Variants in PCLO observed in about 807,000 individuals in gnomAD.
The protein encoded by PCLO is protein piccolo.
A neutral mutation model predicts 427.5 loss-of-function variants in PCLO; 82 were observed. The ratio of observed to expected loss-of-function variants is 0.19; its 90% CI spans 0.16 to 0.23. PCLO has a LOEUF of 0.23. PCLO is among the 10% of genes least tolerant of loss of function. The pLI is 1.00. For synonymous variants in PCLO, 2,357 were observed against 2,155.4 expected (o/e 1.09, Z -2.59); for missense variants, 6,239 against 6,115.9 (o/e 1.02, Z -0.67).
intron 3 of PCLO, among the ~76,000 whole-genome samples, chr7:83,037,989 T>TATATATATA (rs1788837813): frequency 7.4e-5 from 1 of 13,586 alleles, no homozygotes; most frequent in Non-Finnish European, 1.2e-4. Flanking sequence ...AAGGAGGAGC[T>TATATATATA]TATATATATA....
chr7:82,859,179 C>T (rs1792888772), intron 10 of PCLO, among the ~76,000 whole-genome samples: 1 of 82,024 alleles, frequency 1.2e-5, no homozygotes, highest in Non-Finnish European at 2.5e-5. Context: ...TGGTGGACCT[C>T]ACCACCCTGA....
intron 9 of PCLO, among the ~76,000 whole-genome samples, chr7:82,893,099 T>G (rs2116133614): frequency 6.6e-6 from 1 of 152,210 alleles, no homozygotes; most frequent in South Asian, 2.1e-4. Context: ...CTATAAATCA[T>G]GCTGCTATAA....
Position 82,954,595 on chromosome 7 carries a change from T to C in PCLO, c.6358A>G (p.Thr2120Ala), listed in dbSNP as rs1795459989. 3.7e-6 allele frequency: 6 copies of C among 1,613,944 alleles called. No homozygotes were observed. The East Asian group carries it at 1.3e-4, about 36-fold the overall frequency. Residue 2120 changes from threonine to alanine, a missense_variant, in exon 5 of 25, where the codon ACC becomes GCC. This residue lies in a region of PCLO where 4,677 missense variants were observed against 4,468.4 expected (regional missense o/e 1.05). Transcript: ENST00000333891. Reference protein sequence around the residue: ...VLSGASLTDSTSSATLSIPDV... With the variant: ...VLSGASLTDSASSATLSIPDV... ...GGGATAGAGAGTGTTGCACTGCTGG[T>C]CGAATCTGTAAGAGACGCTCCTGAG...
intron 3 of PCLO, among the ~76,000 whole-genome samples, chr7:83,102,959 C>T (rs1299983828): frequency 6.7e-6 from 1 of 150,028 alleles, no homozygotes; most frequent in Non-Finnish European, 1.5e-5. Context: ...AAATCTGAGA[C>T]ATTTATTAAT....
At position 82,955,677 on chromosome 7, in the gene PCLO, C is replaced by T. The variant is rs959718398; in HGVS notation, c.5276G>A (p.Arg1759Gln). The T allele has an allele frequency of 9.9e-6, 16 of 1,613,784 alleles. No individual in the cohort carries two copies. The highest frequency in any genetic ancestry group is 1.6e-4 in the Middle Eastern group (1 of 6,084). ...CAAAAGAGGGCCATGTGGTCTGTGC[C>T]GAGCTTTGCGTTGCTGTTTGCTCTC... Reference protein sequence around the residue: ...KGESKQQRKARHRPHGPLLPT... With the variant: ...KGESKQQRKAQHRPHGPLLPT... Residue 1759 changes from arginine (R) to glutamine (Q), a missense_variant, in exon 5 of 25, where the codon CGG (arginine) becomes CAG (glutamine). Arg to Gln is a conservative substitution (Grantham distance 43, BLOSUM62 1). Around this residue, in one of 5 missense-constraint regions of PCLO, gnomAD observed 4,677 missense variants for 4,468.4 expected, o/e 1.05. Transcript: ENST00000333891.
At chr7:83,146,213 A>G (rs1289977632) in intron 2 of PCLO, among the ~76,000 whole-genome samples, 1 of 152,196 alleles carries the variant, frequency 6.6e-6, no homozygotes, top group Non-Finnish European at 1.5e-5. Flanking sequence ...CTTCCTTATC[A>G]AAGGTAACAA....
At chr7:82,969,020 A>G (rs561528860) in intron 3 of PCLO, among the ~76,000 whole-genome samples, 4 of 152,324 alleles carry the variant, frequency 2.6e-5, no homozygotes, top group Admixed American at 2.6e-4. Context: ...CATTTAAAGA[A>G]GTGAGACTAT....
At chr7:83,144,134 T>C (rs554813353) in intron 2 of PCLO, among the ~76,000 whole-genome samples, 7 of 152,254 alleles carry the variant, frequency 4.6e-5, no homozygotes, top group African/African-American at 1.7e-4. Context: ...TAAAAATAGA[T>C]GAAATCGCCA....
chr7:83,134,241 AT>A lies in PCLO; in HGVS notation c.3300+8del. On this transcript the variant is annotated splice_region_variant and intron_variant, in intron 3 of 24. Coordinates refer to ENST00000333891, the MANE Select transcript of PCLO (RefSeq NM_033026.6). The stretch of plus-strand genomic sequence containing the variant: ...GTAATATATATATATATATATATAT[AT>A]AACTTACCTCAGTCAAATGTGGTGT... 2.2e-5 allele frequency: 24 copies of A among 1,071,166 alleles called. No homozygotes were observed. Among genetic ancestry groups the A allele is most frequent in the Admixed American group, 8.7e-5 (3 of 34,386 alleles). 66.4% of individuals were successfully genotyped at this position (1,071,166 alleles called of 1,614,324 possible).
At chr7:82,930,086 A>T (rs945002374) in intron 6 of PCLO, among the ~76,000 whole-genome samples, 5 of 152,164 alleles carry the variant, frequency 3.3e-5, no homozygotes, top group Non-Finnish European at 5.9e-5. Flanking sequence ...AATGCAGAGG[A>T]AGGAGTGTGA....
intron 2 of PCLO, among the ~76,000 whole-genome samples, chr7:83,140,204 G>A (rs1353035835): frequency 1.3e-5 from 2 of 152,098 alleles, no homozygotes; most frequent in Non-Finnish European, 2.9e-5. Context: ...TCTGAAGTGG[G>A]TCTGGATTGC....
chr7:83,015,234 C>G (rs1788176344), intron 3 of PCLO, among the ~76,000 whole-genome samples: 1 of 151,960 alleles, frequency 6.6e-6, no homozygotes, highest in African/African-American at 2.4e-5. Context: ...ATTCCATGAG[C>G]CTGGTGGACA....
intron 10 of PCLO, among the ~76,000 whole-genome samples, chr7:82,850,288 C>A (rs980328721): frequency 6.6e-6 from 1 of 152,016 alleles, no homozygotes; most frequent in Non-Finnish European, 1.5e-5. Context: ...GGATTACAGG[C>A]GTGAGCCACC....
At chr7:83,106,348 A>G (rs1790855499) in intron 3 of PCLO, among the ~76,000 whole-genome samples, 2 of 152,172 alleles carry the variant, frequency 1.3e-5, no homozygotes, top group Admixed American at 1.3e-4. Flanking sequence ...AAAAAATGTC[A>G]GGATTCTGGA....
chr7:83,040,857 T>C (rs1355458836), intron 3 of PCLO, among the ~76,000 whole-genome samples: 2 of 152,130 alleles, frequency 1.3e-5, no homozygotes, highest in Non-Finnish European at 2.9e-5. Flanking sequence ...GCTACCTAAT[T>C]TAATGATTCC....
chr7:82,862,527 CA>C (rs1792984080), intron 10 of PCLO, among the ~76,000 whole-genome samples: 1 of 118,358 alleles, frequency 8.4e-6, no homozygotes, highest in African/African-American at 3.3e-5. Flanking sequence ...CTGTTTACAA[CA>C]GCTAAGAATT....
intron 6 of PCLO, among the ~76,000 whole-genome samples, chr7:82,944,069 C>T (rs1265457549): frequency 6.8e-6 from 1 of 148,136 alleles, no homozygotes; most frequent in East Asian, 2.0e-4. Context: ...ATCACTTGAA[C>T]CCAGGAGTTG....
chr7:83,018,336 A>C (rs1328283319), intron 3 of PCLO, among the ~76,000 whole-genome samples: 32 of 152,022 alleles, frequency 2.1e-4, no homozygotes, highest in Admixed American at 2.1e-3. Context: ...ATGAGGCATA[A>C]AATAAATATG....
chr7:82,953,867 T>G lies in PCLO; in HGVS notation c.7086A>C (p.Thr2362=). Residue 2362 remains threonine, a synonymous_variant, in exon 5 of 25, where the codon ACA becomes ACC. Coordinates refer to ENST00000333891, the MANE Select transcript of PCLO (RefSeq NM_033026.6). ...MKEQLSTTYF[T]SGETFGQEKP... is the part of the protein sequence containing the mutation. ...TTTCCTGACCAAAGGTCTCTCCAGA[T>G]GTAAAGTATGTAGTTGAAAGCTGCT... is the stretch of plus-strand genomic sequence containing the variant. 1 of 1,613,790 alleles carries G rather than the reference T, an allele frequency of 6.2e-7. No individual in the cohort carries two copies. Among genetic ancestry groups the G allele is most frequent in the East Asian group, 2.2e-5 (1 of 44,846 alleles).
Sources: allele counts gnomAD v4.1 joint callset (sites outside exome capture counted in the v4.1 genomes callset), GRCh38; gene constraint gnomAD v4.1.1; regional missense constraint gnomAD v4.1.1; transcripts MANE v1.5; gene names NCBI Gene and HGNC (gene_info 2026-07-23, HGNC 2026-07-21).